THSD4: variants seen among roughly 807,000 people sequenced by gnomAD.
The protein encoded by THSD4 is thrombospondin type 1 domain containing 4, also known as thrombospondin type-1 domain-containing protein 4.
In THSD4, 69 loss-of-function variants were observed where a neutral mutation model predicts 119.0. The observed-to-expected ratio is 0.58, with a 90% CI of 0.48 to 0.71. The LOEUF is 0.71. Among genes scored for constraint, THSD4 ranks in the 30% least tolerant of loss-of-function variants. The probability of loss-of-function intolerance (pLI) is 0.00; values close to 1 mark genes in which losing one functional copy is unlikely to be tolerated. For missense variants in THSD4, 1,393 were observed against 1,391.1 expected (o/e 1.00, Z -0.02); for synonymous variants, 524 against 540.4 (o/e 0.97, Z 0.42).
At chr15:71,631,234 G>T (rs2140945288) in intron 7 of THSD4, among the ~76,000 whole-genome samples, 1 of 152,282 alleles carries the variant, frequency 6.6e-6, no homozygotes, top group South Asian at 2.1e-4. Flanking sequence ...GAGTCCTGTG[G>T]GTAAGGCCTG....
chr15:71,359,163 A>G (rs946065903), intron 6 of THSD4, among the ~76,000 whole-genome samples: 1 of 152,144 alleles, frequency 6.6e-6, no homozygotes, highest in Non-Finnish European at 1.5e-5. Context: ...ACTCAGTCAC[A>G]AGAACCTTGT....
chr15:71,258,246 T>G (rs2044343698), intron 6 of THSD4, among the ~76,000 whole-genome samples: 1 of 152,208 alleles, frequency 6.6e-6, no homozygotes, highest in African/African-American at 2.4e-5. Flanking sequence ...TGGCGTGATC[T>G]CAGCTCACTG....
chr15:71,129,989 G>A (rs576218754), intron 1 of THSD4, among the ~76,000 whole-genome samples: 5 of 152,286 alleles, frequency 3.3e-5, no homozygotes, highest in African/African-American at 1.2e-4. Flanking sequence ...AATGCGTGGA[G>A]GCACTGAGAA....
intron 7 of THSD4, among the ~76,000 whole-genome samples, chr15:71,635,252 A>G (rs1223211668): frequency 1.3e-5 from 2 of 152,198 alleles, no homozygotes; most frequent in Non-Finnish European, 2.9e-5. Flanking sequence ...TGTGGCACTT[A>G]CCTTGACTTC....
At chr15:71,351,172 C>T (rs1222692300) in intron 6 of THSD4, among the ~76,000 whole-genome samples, 5 of 152,124 alleles carry the variant, frequency 3.3e-5, no homozygotes, top group African/African-American at 9.7e-5. Flanking sequence ...CACAATTGAA[C>T]GTTGCATGGT....
intron 6 of THSD4, among the ~76,000 whole-genome samples, chr15:71,269,859 A>T (rs112819983): frequency 0.082 from 12,468 of 152,252 alleles, 642 homozygotes; most frequent in Middle Eastern, 0.14. Flanking sequence ...AATTGCTACA[A>T]AGAGAATAAA....
intron 3 of THSD4, among the ~76,000 whole-genome samples, chr15:71,201,240 A>G (rs1448476763): frequency 6.6e-6 from 1 of 152,160 alleles, no homozygotes; most frequent in African/African-American, 2.4e-5. Context: ...GAGGGCTTTC[A>G]TAATGGTACT....
At chr15:71,568,568 C>CTTTT (rs61430926) in intron 7 of THSD4, among the ~76,000 whole-genome samples, 2 of 137,888 alleles carry the variant, frequency 1.5e-5, no homozygotes, top group Admixed American at 7.4e-5. Flanking sequence ...CTCTTTTTCT[C>CTTTT]TTTTTTTTTT....
chr15:71,642,421 A>G, intron 7 of THSD4, among the ~76,000 whole-genome samples: 1 of 152,050 alleles, frequency 6.6e-6, no homozygotes, highest in Non-Finnish European at 1.5e-5. Flanking sequence ...AACTAGAAAT[A>G]CCATTTGACC....
intron 6 of THSD4, among the ~76,000 whole-genome samples, chr15:71,297,919 A>T (rs1471842200): frequency 1.3e-5 from 2 of 152,034 alleles, no homozygotes; most frequent in Non-Finnish European, 2.9e-5. Context: ...CACTTTCTTG[A>T]TAGTCCTTTG....
At chr15:71,567,271 G>C (rs115828585) in intron 7 of THSD4, among the ~76,000 whole-genome samples, 1 of 152,100 alleles carries the variant, frequency 6.6e-6, no homozygotes, top group Non-Finnish European at 1.5e-5. Context: ...AGACACAGCT[G>C]AGCCAAGGAC....
At chr15:71,742,148 C>T (rs2053248912) in intron 11 of THSD4, among the ~76,000 whole-genome samples, 1 of 152,228 alleles carries the variant, frequency 6.6e-6, no homozygotes, top group South Asian at 2.1e-4. Context: ...CTCACATACC[C>T]TCGCCTAAAC....
intron 14 of THSD4, among the ~76,000 whole-genome samples, chr15:71,757,276 G>A (rs2053555404): frequency 6.6e-6 from 1 of 152,038 alleles, no homozygotes; most frequent in South Asian, 2.1e-4. Context: ...GACCTTCAGA[G>A]ACTGGAACAA....
At chr15:71,467,268 G>A (rs1015034207) in intron 7 of THSD4, among the ~76,000 whole-genome samples, 9 of 152,132 alleles carry the variant, frequency 5.9e-5, no homozygotes, top group Non-Finnish European at 7.3e-5. Flanking sequence ...ATCCATCCTC[G>A]GTTCACGGCT....
At chr15:71,247,491 G>T (rs1019963568) in intron 5 of THSD4, among the ~76,000 whole-genome samples, 1 of 152,194 alleles carries the variant, frequency 6.6e-6, no homozygotes, top group Non-Finnish European at 1.5e-5. Context: ...CACCGCACAC[G>T]CCACATAGGT....
At chr15:71,273,903 C>T (rs1245717030) in intron 6 of THSD4, among the ~76,000 whole-genome samples, 1 of 152,156 alleles carries the variant, frequency 6.6e-6, no homozygotes, top group African/African-American at 2.4e-5. Context: ...GAGAAGTAGG[C>T]TTGGTAAAGG....
At chr15:71,484,204 A>G (rs926902886) in intron 7 of THSD4, among the ~76,000 whole-genome samples, 1 of 152,204 alleles carries the variant, frequency 6.6e-6, no homozygotes, top group Non-Finnish European at 1.5e-5. Flanking sequence ...TGCTCTGACC[A>G]TCGGGAAACT....
At chr15:71,537,037 C>T (rs964572312) in intron 7 of THSD4, among the ~76,000 whole-genome samples, 10 of 152,294 alleles carry the variant, frequency 6.6e-5, no homozygotes, top group Middle Eastern at 6.8e-3. Context: ...ACCTCCCCTA[C>T]GGTTAGACAT....
intron 7 of THSD4, among the ~76,000 whole-genome samples, chr15:71,452,700 C>A (rs968994055): frequency 1.2e-4 from 19 of 152,118 alleles, no homozygotes; most frequent in African/African-American, 4.6e-4. Flanking sequence ...ACTACAGCCT[C>A]CACCTCCTGG....
Sources: gnomAD v4.1 joint callset for allele counts (sites outside exome capture counted in the v4.1 genomes callset) on GRCh38, gnomAD v4.1.1 for gene constraint, MANE v1.5 for transcripts, NCBI Gene and HGNC (gene_info 2026-07-23, HGNC 2026-07-21) for gene names.